ROBO1: variants seen among roughly 807,000 people sequenced by gnomAD.
The protein encoded by ROBO1 is roundabout homolog 1.
In ROBO1, 149 loss-of-function variants were observed where a neutral mutation model predicts 195.9. The ratio of observed to expected loss-of-function variants is 0.76; its 90% CI spans 0.67 to 0.87. The LOEUF (loss-of-function observed/expected upper bound fraction) is 0.87, where lower values mean the gene tolerates loss of function less well. Ranked by LOEUF, ROBO1 falls within the 40% of genes least tolerant of loss-of-function variation. The pLI is 0.00. For missense variants in ROBO1, 1,933 were observed against 2,068.3 expected, an observed-to-expected ratio of 0.93 and a Z score of 1.27; for synonymous variants, 816 against 733.2, an observed-to-expected ratio of 1.11 and a Z score of -1.82.
chr3:78,673,427 AAT>A (rs753192135), intron 10 of ROBO1, among the ~76,000 whole-genome samples: 28 of 143,510 alleles, frequency 2.0e-4, no homozygotes, highest in East Asian at 6.0e-4. Flanking sequence ...ACCTGTTATA[AAT>A]ATATATATAT....
At chr3:79,314,340 G>T (rs577994451) in intron 2 of ROBO1, among the ~76,000 whole-genome samples, 2 of 152,278 alleles carry the variant, frequency 1.3e-5, no homozygotes, top group African/African-American at 4.8e-5. Context: ...GGAGAGACCC[G>T]GTGGGAGGTC....
At chr3:79,167,461 A>ACTTATAT (rs1559707599) in intron 2 of ROBO1, among the ~76,000 whole-genome samples, 1 of 152,062 alleles carries the variant, frequency 6.6e-6, no homozygotes, top group Non-Finnish European at 1.5e-5. Flanking sequence ...AATTCCTATA[A>ACTTATAT]CTTATATCTT....
intron 4 of ROBO1, among the ~76,000 whole-genome samples, chr3:78,867,038 G>A (rs1383356176): frequency 6.6e-6 from 1 of 152,114 alleles, no homozygotes. Flanking sequence ...GAAAGACTTG[G>A]TCTATCATTA....
At chr3:78,717,254 T>C in intron 7 of ROBO1, 21 bp downstream of exon 7, 1 of 1,529,300 alleles carries the variant, frequency 6.5e-7, no homozygotes, top group Non-Finnish European at 8.8e-7. Flanking sequence ...ACAAATCATA[T>C]CATGAAACTC....
chr3:78,737,739 T>C (rs2082425363), intron 5 of ROBO1, among the ~76,000 whole-genome samples: 1 of 152,218 alleles, frequency 6.6e-6, no homozygotes, highest in Non-Finnish European at 1.5e-5. Flanking sequence ...AAGTCATTTA[T>C]TCAATCCAAT....
intron 3 of ROBO1, among the ~76,000 whole-genome samples, chr3:79,104,130 T>A (rs1034891974): frequency 6.6e-6 from 1 of 151,800 alleles, no homozygotes; most frequent in African/African-American, 2.4e-5. Flanking sequence ...GAGCTGGATG[T>A]TGAAGCCGGG....
At chr3:79,191,934 TAA>T (rs2081548459) in intron 2 of ROBO1, among the ~76,000 whole-genome samples, 2 of 151,562 alleles carry the variant, frequency 1.3e-5, no homozygotes, top group Admixed American at 1.3e-4. Flanking sequence ...ACTTTATTTT[TAA>T]AGAGGTTTCA....
At chr3:79,560,556 T>TATATATATATACAC (rs944214132) in intron 2 of ROBO1, among the ~76,000 whole-genome samples, 1 of 119,852 alleles carries the variant, frequency 8.3e-6, no homozygotes, top group Admixed American at 8.1e-5. Context: ...TATATATATA[T>TATATATATATACAC]ATACACATAC....
intron 2 of ROBO1, among the ~76,000 whole-genome samples, chr3:79,284,532 A>G (rs1190454356): frequency 2.0e-5 from 3 of 152,216 alleles, no homozygotes; most frequent in Non-Finnish European, 4.4e-5. Context: ...TTATTAAAAT[A>G]ACTGTATCTT....
intron 3 of ROBO1, among the ~76,000 whole-genome samples, chr3:79,087,516 T>G (rs557177475): frequency 6.6e-6 from 1 of 152,020 alleles, no homozygotes; most frequent in South Asian, 2.1e-4. Flanking sequence ...TCTTCCTTCC[T>G]TCCTTCCTTT....
chr3:79,007,407 G>C (rs1371511493), intron 3 of ROBO1, among the ~76,000 whole-genome samples: 1 of 152,110 alleles, frequency 6.6e-6, no homozygotes, highest in Non-Finnish European at 1.5e-5. Context: ...GAGGGCAGAA[G>C]GACAGAGAGA....
chr3:79,462,060 T>C (rs960225379), intron 2 of ROBO1, among the ~76,000 whole-genome samples: 1 of 152,192 alleles, frequency 6.6e-6, no homozygotes, highest in African/African-American at 2.4e-5. Flanking sequence ...CAAGGTAGTA[T>C]TATTATGTGG....
chr3:79,415,381 A>G (rs571389987), intron 2 of ROBO1, among the ~76,000 whole-genome samples: 1 of 152,238 alleles, frequency 6.6e-6, no homozygotes, highest in East Asian at 1.9e-4. Flanking sequence ...CATTATAACC[A>G]TGGGACTTAA....
chr3:78,886,507 T>C (rs1397763900), intron 4 of ROBO1, among the ~76,000 whole-genome samples: 1 of 151,972 alleles, frequency 6.6e-6, no homozygotes, highest in East Asian at 1.9e-4. Context: ...GGCAGGAGAA[T>C]CACTTGAACC....
intron 10 of ROBO1, among the ~76,000 whole-genome samples, chr3:78,681,343 A>G (rs1156993446): frequency 6.6e-6 from 1 of 152,182 alleles, no homozygotes; most frequent in Non-Finnish European, 1.5e-5. Context: ...TAATAAAAAA[A>G]AAATCTATGG....
intron 2 of ROBO1, among the ~76,000 whole-genome samples, chr3:79,440,168 A>G (rs953019658): frequency 6.6e-6 from 1 of 152,066 alleles, no homozygotes; most frequent in African/African-American, 2.4e-5. Flanking sequence ...TTGAACAGGC[A>G]AATAGCATCA....
At chr3:79,686,191 C>G (rs1169397368) in intron 1 of ROBO1, among the ~76,000 whole-genome samples, 1 of 152,180 alleles carries the variant, frequency 6.6e-6, no homozygotes, top group Non-Finnish European at 1.5e-5. Flanking sequence ...TAAAAACTCT[C>G]AATAAATTAG....
chr3:78,656,345 ATTTTT>A (rs5850382), intron 18 of ROBO1, among the ~76,000 whole-genome samples: 5 of 88,606 alleles, frequency 5.6e-5, no homozygotes, highest in African/African-American at 1.7e-4. Flanking sequence ...TGCTTATTTG[ATTTTT>A]TTTTTTTTTT....
chr3:78,986,838 C>G (rs556320362), intron 3 of ROBO1, among the ~76,000 whole-genome samples: 7 of 152,248 alleles, frequency 4.6e-5, no homozygotes, highest in Admixed American at 1.3e-4. Flanking sequence ...TGACTCAAAG[C>G]CGCTAATTAT....
Sources: gnomAD v4.1 joint callset for allele counts (sites outside exome capture counted in the v4.1 genomes callset) on GRCh38, gnomAD v4.1.1 for gene constraint, MANE v1.5 for transcripts, NCBI Gene and HGNC (gene_info 2026-07-23, HGNC 2026-07-21) for gene names.